The following GABRR2 variants were observed in gnomAD, a reference collection of about 807,000 sequenced individuals.
GABRR2 encodes gamma-aminobutyric acid type A receptor subunit rho2, also known as gamma-aminobutyric acid receptor subunit rho-2.
Under a neutral mutation model 47.0 loss-of-function variants are expected in GABRR2, and 36 were observed. The observed-to-expected ratio is 0.77, with a 90% confidence interval of 0.59 to 1.01. The LOEUF is 1.01. GABRR2 is among the 50% of genes least tolerant of loss of function. The probability of loss-of-function intolerance (pLI) is 0.00; values close to 1 mark genes in which losing one functional copy is unlikely to be tolerated. For missense variants in GABRR2, 587 were observed against 594.6 expected, an observed-to-expected ratio of 0.99 and a Z score of 0.13; for synonymous variants, 204 against 227.5, an observed-to-expected ratio of 0.90 and a Z score of 0.93.
At chr6:89,258,069 A>G in intron 8 of GABRR2, 88 bp from the exon 9 acceptor site, 1 of 1,184,078 alleles carries the variant, frequency 8.4e-7, no homozygotes, top group Non-Finnish European at 1.2e-6. Context: ...CCACATTGCT[A>G]CTCAGAACCA....
At chr6:89,267,184 G>A (rs1195567452) in intron 6 of GABRR2, among the ~76,000 whole-genome samples, 1 of 152,028 alleles carries the variant, frequency 6.6e-6, no homozygotes, top group Admixed American at 6.5e-5. Context: ...ATTTTTAGTA[G>A]AGATGGGGTT....
chr6:89,285,060 T>G (rs1392824525), intron 2 of GABRR2, among the ~76,000 whole-genome samples: 1 of 152,220 alleles, frequency 6.6e-6, no homozygotes, highest in East Asian at 1.9e-4. Context: ...CCTTGCCCTT[T>G]TCCACTGACT....
chr6:89,264,525 C>T lies in GABRR2; in HGVS notation c.973G>A (p.Asp325Asn), dbSNP rs748192383. 5 of 1,614,132 alleles carry T rather than the reference C, an allele frequency of 3.1e-6. No homozygotes were observed. Among genetic ancestry groups the T allele is most frequent in the Non-Finnish European group, 4.2e-6 (5 of 1,180,012 alleles). ...ACAAAGCTGACCCAGAGGTAGATGT[C>T]CACGGCCTTGACGTAGGAGACGCGC... ...MPRVSYVKAV[D>N]IYLWVSFVFV... Residue 325 changes from aspartate to asparagine, a missense_variant, in exon 8 of 9, where the codon GAC (aspartate) becomes AAC (asparagine). Physicochemically the swap from Asp to Asn is conservative, Grantham distance 23. Transcript: ENST00000402938.
rs191854539 is a variant in GABRR2, at chr6:89,267,391, C to A, written c.736+288G>T. ...GACCAGCTTGGGCAACATAGTAAGA[C>A]CTCATCTCTACAAAAAAATTTTAAA... On this transcript the variant is annotated intron_variant, in intron 6 of 8. Coordinates refer to ENST00000402938, the MANE Select transcript of GABRR2 (RefSeq NM_002043.5). 6.6e-4 allele frequency among the ~76,000 whole-genome samples: 100 copies of A among 152,134 alleles called. 3 individuals are homozygous for A. In the East Asian group the frequency reaches 0.017, roughly 26 times the overall value.
intron 6 of GABRR2, among the ~76,000 whole-genome samples, chr6:89,266,752 C>T (rs1773905929): frequency 6.6e-6 from 1 of 152,234 alleles, no homozygotes; most frequent in South Asian, 2.1e-4. Flanking sequence ...AGAAACTCTG[C>T]ACCCATTACA....
At chr6:89,290,987 C>T (rs1425835888) in intron 2 of GABRR2, among the ~76,000 whole-genome samples, 2 of 152,168 alleles carry the variant, frequency 1.3e-5, no homozygotes, top group East Asian at 1.9e-4. Context: ...CCCATGCCTC[C>T]GTAAACGCAC....
intron 1 of GABRR2, among the ~76,000 whole-genome samples, chr6:89,309,227 CCTGCTG>C (rs1180840002): frequency 3.3e-5 from 5 of 152,300 alleles, no homozygotes; most frequent in Middle Eastern, 6.8e-3. Context: ...GTCCTTCCAC[CCTGCTG>C]CTGCCTTCCA....
At chr6:89,314,054 A>G (rs1252011727) in intron 1 of GABRR2, among the ~76,000 whole-genome samples, 1 of 151,572 alleles carries the variant, frequency 6.6e-6, no homozygotes, top group Admixed American at 6.6e-5. Flanking sequence ...TAAGAAATCA[A>G]TTAAACTTTA....
At chr6:89,278,045 G>C (rs979096735) in intron 2 of GABRR2, among the ~76,000 whole-genome samples, 3 of 152,188 alleles carry the variant, frequency 2.0e-5, no homozygotes, top group Admixed American at 1.3e-4. Flanking sequence ...GCTAAAAGCT[G>C]GAAATCTCCC....
At chr6:89,294,131 A>G (rs1402213620) in intron 2 of GABRR2, among the ~76,000 whole-genome samples, 1 of 124,608 alleles carries the variant, frequency 8.0e-6, no homozygotes, top group Non-Finnish European at 1.6e-5. Context: ...AGTCTGGGGT[A>G]TAGTCTGAGC....
At position 89,268,075 on chromosome 6, in the gene GABRR2, G is replaced by C; in HGVS notation, c.534C>G (p.Cys178Trp). ...YSMRITVTAM[C>W]NMDFSHFPLD... Reference sequence around the variant, plus strand: ...GGGGAAAGTGGCTGAAGTCCATGTTGCACATGGCAGTGACCGTAATCCTAG... The same window carrying C: ...GGGGAAAGTGGCTGAAGTCCATGTTCCACATGGCAGTGACCGTAATCCTAG... Residue 178 changes from cysteine to tryptophan, a missense_variant, in exon 5 of 9, where the codon TGC becomes TGG. Coordinates refer to ENST00000402938, the MANE Select transcript of GABRR2 (RefSeq NM_002043.5). The C allele has an allele frequency of 6.2e-7, 1 of 1,610,616 alleles. No individual in the cohort carries two copies. The highest frequency in any genetic ancestry group is 8.5e-7 in the Non-Finnish European group (1 of 1,178,186).
intron 1 of GABRR2, among the ~76,000 whole-genome samples, chr6:89,306,357 G>A (rs1220623848): frequency 1.3e-5 from 2 of 150,188 alleles, no homozygotes; most frequent in East Asian, 3.9e-4. Context: ...GAGACCCTGT[G>A]TTTAAAAAAA....
intron 1 of GABRR2, among the ~76,000 whole-genome samples, chr6:89,307,814 C>CTTTT (rs1247224346): frequency 7.2e-5 from 9 of 125,290 alleles, no homozygotes; most frequent in African/African-American, 1.9e-4. Flanking sequence ...ACTTCATTCA[C>CTTTT]TTTTTTTTTT....
intron 1 of GABRR2, among the ~76,000 whole-genome samples, chr6:89,306,683 GCTCA>G (rs2127849967): frequency 6.6e-6 from 1 of 152,066 alleles, no homozygotes; most frequent in Non-Finnish European, 1.5e-5. Flanking sequence ...TTTCTTTCAC[GCTCA>G]CTCTTTCCAG....
chr6:89,280,191 A>G (rs1198791643), intron 2 of GABRR2, among the ~76,000 whole-genome samples: 2 of 146,466 alleles, frequency 1.4e-5, no homozygotes, highest in Non-Finnish European at 3.0e-5. Context: ...CCTGAATGAC[A>G]GAGACTTAGT....
At chr6:89,277,018 TG>T in intron 2 of GABRR2, among the ~76,000 whole-genome samples, 1 of 152,304 alleles carries the variant, frequency 6.6e-6, no homozygotes. Context: ...GTTCATGTAT[TG>T]GAATATTCAC....
intron 3 of GABRR2, among the ~76,000 whole-genome samples, chr6:89,269,667 G>A (rs1281154903): frequency 2.0e-5 from 3 of 152,194 alleles, no homozygotes; most frequent in Non-Finnish European, 4.4e-5. Context: ...GATTCTTGCC[G>A]TTAGGCTTAT....
chr6:89,255,595 C>T lies in GABRR2; in HGVS notation c.*2075G>A, dbSNP rs117164378. 4.6e-3 allele frequency among the ~76,000 whole-genome samples: 695 copies of T among 151,804 alleles called. 4 individuals carry two copies. The highest frequency in any genetic ancestry group is 4.9e-3 in the Non-Finnish European group (336 of 67,920). On this transcript the variant is annotated 3_prime_UTR_variant, in exon 9 of 9. Transcript: ENST00000402938. Reference sequence around the variant, plus strand: ...GTGGGGAAGCTGTCCTCATAAGCACCGGCATGGTGGGGACCTGCCTTGATC... The same window carrying T: ...GTGGGGAAGCTGTCCTCATAAGCACTGGCATGGTGGGGACCTGCCTTGATC...
At chr6:89,302,678 G>A in intron 1 of GABRR2, 1 of 1,304,438 alleles carries the variant, frequency 7.7e-7, no homozygotes, top group Non-Finnish European at 1.1e-6. Flanking sequence ...CCCGCGACCG[G>A]CACCACGGCT....
Sources: gnomAD v4.1 joint callset for allele counts (sites outside exome capture counted in the v4.1 genomes callset) on GRCh38, gnomAD v4.1.1 for gene constraint, MANE v1.5 for transcripts, NCBI Gene and HGNC (gene_info 2026-07-23, HGNC 2026-07-21) for gene names.